The following ALG14 variants were observed in gnomAD, a reference collection of about 807,000 sequenced individuals.
ALG14 encodes ALG14 UDP-N-acetylglucosaminyltransferase subunit.
In ALG14, 17 loss-of-function variants were observed where a neutral mutation model predicts 22.8. The ratio of observed to expected loss-of-function variants is 0.75; its 90% CI spans 0.51 to 1.12. The LOEUF (loss-of-function observed/expected upper bound fraction) is 1.12. Among genes scored for constraint, ALG14 ranks in the 50% most tolerant of loss-of-function variants. The pLI is 0.00. For missense variants in ALG14, 288 were observed against 271.8 expected, an observed-to-expected ratio of 1.06 and a Z score of -0.42; for synonymous variants, 89 against 103.7, an observed-to-expected ratio of 0.86 and a Z score of 0.86.
At chr1:95,041,229 G>A (rs1571641666) in intron 2 of ALG14, among the ~76,000 whole-genome samples, 1 of 152,066 alleles carries the variant, frequency 6.6e-6, no homozygotes, top group African/African-American at 2.4e-5. Context: ...AATTCAGTAA[G>A]TTAAGGTCCA....
intron 2 of ALG14, among the ~76,000 whole-genome samples, chr1:95,050,862 AT>A (rs34383912): frequency 0.16 from 20,780 of 131,842 alleles, 942 homozygotes; most frequent in African/African-American, 0.23. Context: ...TCCCTGGGTA[AT>A]TTTTTTTTTT....
intron 3 of ALG14, among the ~76,000 whole-genome samples, chr1:95,023,166 TCC>T (rs1171367925): frequency 1.4e-4 from 21 of 152,086 alleles, no homozygotes; most frequent in African/African-American, 4.8e-4. Context: ...TCTTACTCTA[TCC>T]CCCAGGCTGG....
In ALG14 at chr1:94,982,979, A is replaced by G; in HGVS notation, c.*97T>C. ...ACCATCAATAATTCTCAGGACTGTC[A>G]GACGCCTTTACAAGAAACATGTAGG... is the stretch of plus-strand genomic sequence containing the variant. On this transcript the variant is annotated 3_prime_UTR_variant, in exon 4 of 4. Transcript: ENST00000370205. The G allele has an allele frequency of 2.1e-6, 2 of 966,964 alleles. No individual in the cohort carries two copies. The highest frequency in any genetic ancestry group is 4.2e-5 in the Admixed American group (2 of 47,798). 59.9% of individuals were successfully genotyped at this position (966,964 alleles called of 1,614,324 possible).
intron 1 of ALG14, among the ~76,000 whole-genome samples, chr1:95,068,661 TC>T (rs2100848979): frequency 6.6e-6 from 1 of 152,336 alleles, no homozygotes; most frequent in Non-Finnish European, 1.5e-5. Context: ...GAAAATGCCT[TC>T]TGCCTCCTCC....
At chr1:95,033,033 C>T (rs1229415112) in intron 2 of ALG14, among the ~76,000 whole-genome samples, 1 of 152,152 alleles carries the variant, frequency 6.6e-6, no homozygotes, top group Non-Finnish European at 1.5e-5. Context: ...CCTGCTATGA[C>T]CTTTGGCCAG....
chr1:95,072,830 C>T lies in ALG14; in HGVS notation c.69G>A (p.Trp23Ter). 1 of 1,614,150 alleles carries T rather than the reference C, an allele frequency of 6.2e-7. No individual in the cohort carries two copies. Among genetic ancestry groups the T allele is most frequent in the Non-Finnish European group, 8.5e-7 (1 of 1,180,032 alleles). ...TAACGTCCATGGAACGAAGCACTAC[C>T]CATATTCGCAGGATTAGGAAAACCG... Reference protein sequence around the residue: ...AVAVFLILRIWVVLRSMDVTP... With the variant: ...AVAVFLILRI Residue 23 changes from tryptophan (W) to a stop codon, truncating the protein, a stop_gained, in exon 1 of 4, where the codon TGG (tryptophan) becomes TGA (stop). Transcript: ENST00000370205. LOFTEE classifies it high-confidence loss of function.
At chr1:95,020,208 C>T (rs1480208226) in intron 3 of ALG14, among the ~76,000 whole-genome samples, 1 of 150,508 alleles carries the variant, frequency 6.6e-6, no homozygotes, top group African/African-American at 2.4e-5. Context: ...CAGAGTGAGA[C>T]TGAGTCTCAA....
chr1:95,033,794 C>G (rs1674100697), intron 2 of ALG14, among the ~76,000 whole-genome samples: 1 of 152,142 alleles, frequency 6.6e-6, no homozygotes, highest in Non-Finnish European at 1.5e-5. Flanking sequence ...CATCTCTCAC[C>G]TTGACTACTT....
intron 3 of ALG14, among the ~76,000 whole-genome samples, chr1:95,017,589 G>A (rs1290441655): frequency 1.3e-5 from 2 of 151,148 alleles, no homozygotes; most frequent in Non-Finnish European, 3.0e-5. Context: ...AGGTGTAGAT[G>A]AGAGGAAGAA....
chr1:95,068,346 G>A (rs1675445472), intron 1 of ALG14, among the ~76,000 whole-genome samples: 1 of 152,172 alleles, frequency 6.6e-6, no homozygotes, highest in African/African-American at 2.4e-5. Flanking sequence ...TGTTGCCCAG[G>A]CGTGATCTCG....
intron 2 of ALG14, among the ~76,000 whole-genome samples, chr1:95,027,940 C>T (rs577482675): frequency 6.6e-6 from 1 of 152,216 alleles, no homozygotes; most frequent in African/African-American, 2.4e-5. Context: ...TGAAATTAGA[C>T]CAAATATTCT....
Position 94,983,059 on chromosome 1 carries a change from A to C in ALG14, c.*17T>G. ...TACTGTTAACTGCAAAATTCTAAAGAAGTCAGTTGCCATTTGTCAAACAAT... is the reference window on the plus strand; with the variant it reads ...TACTGTTAACTGCAAAATTCTAAAGCAGTCAGTTGCCATTTGTCAAACAAT... On this transcript the variant is annotated 3_prime_UTR_variant, in exon 4 of 4. Transcript: ENST00000370205. 1 of 1,610,768 alleles carries C rather than the reference A, an allele frequency of 6.2e-7. No homozygotes were observed.
chr1:94,976,332 G>A lies in ALG14; in HGVS notation c.*6744C>T, dbSNP rs1446881989. ...AGGAGTTTGGTGGCCCAAGTGAAAG[G>A]TTATTATTATTATTTTTTCAAAACA... On this transcript the variant is annotated 3_prime_UTR_variant, in exon 4 of 4. Coordinates refer to ENST00000370205, the MANE Select transcript of ALG14 (RefSeq NM_144988.4). 1.3e-5 allele frequency: 2 copies of A among 152,138 alleles called. No homozygotes were observed. Among genetic ancestry groups the A allele is most frequent in the African/African-American group, 4.8e-5 (2 of 41,440 alleles). 9.4% of individuals were successfully genotyped at this position (152,138 alleles called of 1,614,324 possible).
At chr1:95,043,919 A>T (rs71652602) in intron 2 of ALG14, among the ~76,000 whole-genome samples, 35,660 of 151,850 alleles carry the variant, frequency 0.23, 4,621 homozygotes, top group African/African-American at 0.35. Flanking sequence ...TGTAGAGTTT[A>T]GGAAACGGTT....
intron 3 of ALG14, among the ~76,000 whole-genome samples, chr1:94,997,376 G>A (rs183912348): frequency 6.6e-6 from 1 of 152,304 alleles, no homozygotes; most frequent in East Asian, 1.9e-4. Context: ...ACTAAAAGCC[G>A]AATCTTGTTA....
At chr1:95,066,384 C>T (rs1013908316) in intron 1 of ALG14, among the ~76,000 whole-genome samples, 2 of 151,938 alleles carry the variant, frequency 1.3e-5, no homozygotes, top group African/African-American at 4.8e-5. Context: ...CCACCACGCC[C>T]GGCTAATTTT....
At chr1:95,052,688 T>C (rs991497744) in intron 2 of ALG14, among the ~76,000 whole-genome samples, 2 of 151,768 alleles carry the variant, frequency 1.3e-5, no homozygotes, top group Non-Finnish European at 2.9e-5. Flanking sequence ...TGAGACCCTG[T>C]CTCTACTAAA....
chr1:95,049,708 C>G lies in ALG14; in HGVS notation c.288+15158G>C, dbSNP rs138810182. On this transcript the variant is annotated intron_variant, in intron 2 of 3. Transcript: ENST00000370205. ...GCAACATAATGAGACCCTGTTACTACAAAATATCAAAAATTAGCCCAGTGT... is the reference window on the plus strand; with the variant it reads ...GCAACATAATGAGACCCTGTTACTAGAAAATATCAAAAATTAGCCCAGTGT... Among the ~76,000 whole-genome samples, 1,348 of 151,660 alleles carry G rather than the reference C, an allele frequency of 8.9e-3. 7 individuals carry two copies. The highest frequency in any genetic ancestry group is 0.015 in the Non-Finnish European group (986 of 67,904).
chr1:95,021,304 G>A (rs1425901858), intron 3 of ALG14, among the ~76,000 whole-genome samples: 2 of 152,104 alleles, frequency 1.3e-5, no homozygotes. Flanking sequence ...TGCTAGCACT[G>A]CCAAGATGAG....
Sources: allele counts gnomAD v4.1 joint callset (sites outside exome capture counted in the v4.1 genomes callset), GRCh38; gene constraint gnomAD v4.1.1; transcripts MANE v1.5; gene names NCBI Gene and HGNC (gene_info 2026-07-23, HGNC 2026-07-21).